The following ARHGAP26 variants were observed in gnomAD, a reference collection of about 807,000 sequenced individuals.
The protein encoded by ARHGAP26 is rho GTPase-activating protein 26.
A neutral mutation model predicts 104.8 loss-of-function variants in ARHGAP26; 38 were observed. The ratio of observed to expected loss-of-function variants is 0.36; its 90% confidence interval spans 0.28 to 0.48. ARHGAP26 has a LOEUF of 0.48. Among genes scored for constraint, ARHGAP26 ranks in the 20% least tolerant of loss-of-function variants. The pLI is 0.99. For missense variants in ARHGAP26, 704 were observed against 947.9 expected (o/e 0.74, Z 3.38); for synonymous variants, 341 against 340.0 (o/e 1.00, Z -0.03).
intron 1 of ARHGAP26, among the ~76,000 whole-genome samples, chr5:142,849,063 A>C (rs1264115250): frequency 1.3e-5 from 2 of 152,020 alleles, no homozygotes; most frequent in Admixed American, 6.5e-5. Flanking sequence ...ACCATGCCCA[A>C]CTCTAACTTG....
At chr5:142,892,028 G>A (rs146941331) in intron 5 of ARHGAP26, among the ~76,000 whole-genome samples, 41 of 151,950 alleles carry the variant, frequency 2.7e-4, no homozygotes, top group African/African-American at 9.0e-4. Context: ...GTACCCGCTC[G>A]TGGGCCTGTC....
intron 11 of ARHGAP26, among the ~76,000 whole-genome samples, chr5:142,965,767 G>A (rs914179563): frequency 6.6e-6 from 1 of 152,128 alleles, no homozygotes; most frequent in Non-Finnish European, 1.5e-5. Context: ...TGGGTGGCTT[G>A]CCGCCCACAG....
At chr5:143,022,318 C>T (rs577115573) in intron 12 of ARHGAP26, among the ~76,000 whole-genome samples, 60 of 152,320 alleles carry the variant, frequency 3.9e-4, no homozygotes, top group African/African-American at 1.4e-3. Context: ...GGTGATCCGC[C>T]TGCCTCGGCC....
chr5:142,923,662 T>A (rs1210321795), intron 10 of ARHGAP26, among the ~76,000 whole-genome samples: 1 of 152,170 alleles, frequency 6.6e-6, no homozygotes, highest in East Asian at 1.9e-4. Flanking sequence ...GCCAAAGATG[T>A]CTTTGGGCTT....
At chr5:142,874,829 C>T (rs1471111627) in intron 2 of ARHGAP26, 3 of 311,626 alleles carry the variant, frequency 9.6e-6, no homozygotes, top group East Asian at 6.1e-5. Context: ...GCCTGGAAGC[C>T]TGCCAGCATC....
At chr5:143,174,843 A>T (rs1291826228) in intron 20 of ARHGAP26, among the ~76,000 whole-genome samples, 1 of 152,242 alleles carries the variant, frequency 6.6e-6, no homozygotes, top group African/African-American at 2.4e-5. Flanking sequence ...GTTTCTAAAC[A>T]AGTGAGCAAG....
intron 1 of ARHGAP26, chr5:142,859,547 A>G (rs754877660): frequency 6.6e-6 from 1 of 152,178 alleles, no homozygotes; most frequent in African/African-American, 2.4e-5. Flanking sequence ...TACAATGCCA[A>G]TTTTCAATAA....
chr5:142,818,198 T>C (rs1475989672), intron 1 of ARHGAP26, among the ~76,000 whole-genome samples: 1 of 150,930 alleles, frequency 6.6e-6, no homozygotes, highest in East Asian at 1.9e-4. Flanking sequence ...CAAAGGAGAA[T>C]GCCATGTACC....
chr5:143,053,090 G>A (rs868177351), intron 14 of ARHGAP26, among the ~76,000 whole-genome samples: 1 of 152,164 alleles, frequency 6.6e-6, no homozygotes, highest in Non-Finnish European at 1.5e-5. Flanking sequence ...CTTGTCTCTG[G>A]GTTGTCGGAC....
At chr5:142,909,250 C>T (rs1425882839) in intron 9 of ARHGAP26, among the ~76,000 whole-genome samples, 1 of 152,188 alleles carries the variant, frequency 6.6e-6, no homozygotes, top group Admixed American at 6.5e-5. Flanking sequence ...ACTCTGTCTT[C>T]AGCTTAAATA....
chr5:142,936,581 A>G (rs1036343932), intron 11 of ARHGAP26, among the ~76,000 whole-genome samples: 2 of 152,226 alleles, frequency 1.3e-5, no homozygotes, highest in Admixed American at 1.3e-4. Context: ...ATTTTAAAAA[A>G]GAAGAATGAA....
At position 142,798,213 on chromosome 5, in the gene ARHGAP26, C is replaced by T. The variant is rs544018022; in HGVS notation, c.154+27298C>T. 2.1e-4 allele frequency among the ~76,000 whole-genome samples: 32 copies of T among 152,284 alleles called. 1 individual carries two copies. The South Asian group carries it at 6.6e-3, about 32-fold the overall frequency. On this transcript the variant is annotated intron_variant, in intron 1 of 22. Transcript: ENST00000645722. ...GACCCCCTTATTGTGGTCTGTCTTC[C>T]TTTGCCTCTCCACTCTCATCTTACA...
At chr5:143,152,518 C>T (rs1280783335) in intron 20 of ARHGAP26, among the ~76,000 whole-genome samples, 1 of 152,248 alleles carries the variant, frequency 6.6e-6, no homozygotes, top group Non-Finnish European at 1.5e-5. Context: ...TATAATCTCA[C>T]AGCTGGCCTG....
chr5:142,851,805 T>G (rs1751575721), intron 1 of ARHGAP26, among the ~76,000 whole-genome samples: 1 of 152,234 alleles, frequency 6.6e-6, no homozygotes, highest in Non-Finnish European at 1.5e-5. Flanking sequence ...CGGCATGGCC[T>G]TCTCTTCTCC....
intron 22 of ARHGAP26, among the ~76,000 whole-genome samples, chr5:143,216,976 T>C (rs1037791837): frequency 1.3e-5 from 2 of 152,176 alleles, no homozygotes; most frequent in Non-Finnish European, 2.9e-5. Flanking sequence ...ACTATTATTC[T>C]GTCAGGCGGT....
chr5:143,157,840 C>T (rs1635443), intron 20 of ARHGAP26, among the ~76,000 whole-genome samples: 35,815 of 151,978 alleles, frequency 0.24, 5,072 homozygotes, highest in East Asian at 0.55. Flanking sequence ...GAATCTGGGG[C>T]AGGGCAAAGC....
In ARHGAP26 at chr5:143,185,704, C is replaced by T. The variant is rs1299646748; in HGVS notation, c.1989-21494C>T. ...GAGAGCACTTTCTGTTTACCAGACA[C>T]GGTGCCCACCTCTTGATGTATGTTA... On this transcript the variant is annotated intron_variant, in intron 20 of 22. Transcript: ENST00000645722. 3.3e-5 allele frequency among the ~76,000 whole-genome samples: 5 copies of T among 152,232 alleles called. No individual in the cohort carries two copies. The East Asian group carries it at 7.7e-4, about 23-fold the overall frequency.
intron 12 of ARHGAP26, among the ~76,000 whole-genome samples, chr5:143,029,571 AT>A (rs59748832): frequency 0.089 from 13,415 of 150,596 alleles, 1,879 homozygotes; most frequent in African/African-American, 0.3. Context: ...TGCCCAGCAA[AT>A]TTTTTTTTAA....
At chr5:143,135,894 T>C (rs1464127256) in intron 19 of ARHGAP26, among the ~76,000 whole-genome samples, 1 of 152,234 alleles carries the variant, frequency 6.6e-6, no homozygotes, top group Non-Finnish European at 1.5e-5. Context: ...CTCACTGTGG[T>C]CTGCACGTGG....
Sources: gnomAD v4.1 joint callset for allele counts (sites outside exome capture counted in the v4.1 genomes callset) on GRCh38, gnomAD v4.1.1 for gene constraint, MANE v1.5 for transcripts, NCBI Gene and HGNC (gene_info 2026-07-23, HGNC 2026-07-21) for gene names.